Variants in LSAMP observed in about 807,000 individuals in gnomAD.
The protein encoded by LSAMP is limbic system-associated membrane protein.
In LSAMP, 7 loss-of-function variants were observed where a neutral mutation model predicts 38.6. The observed-to-expected ratio is 0.18, with a 90% CI of 0.10 to 0.34. LSAMP has a LOEUF of 0.34. Among genes scored for constraint, LSAMP ranks in the 10% least tolerant of loss-of-function variants. The probability of loss-of-function intolerance (pLI) is 1.00; values close to 1 mark genes in which losing one functional copy is unlikely to be tolerated. For missense variants in LSAMP, 313 were observed against 420.0 expected, an observed-to-expected ratio of 0.75 and a Z score of 2.23; for synonymous variants, 154 against 166.8, an observed-to-expected ratio of 0.92 and a Z score of 0.59.
At chr3:116,322,599 A>G (rs1156968326) in intron 1 of LSAMP, among the ~76,000 whole-genome samples, 3 of 152,100 alleles carry the variant, frequency 2.0e-5, no homozygotes, top group African/African-American at 7.2e-5. Context: ...GGTCTCACAT[A>G]TTTGGGCAGG....
chr3:116,243,905 G>T (rs912463741), intron 1 of LSAMP, among the ~76,000 whole-genome samples: 30 of 152,022 alleles, frequency 2.0e-4, no homozygotes, highest in Non-Finnish European at 7.4e-5. Flanking sequence ...TTATTAATCT[G>T]GGCAGTGGTA....
intron 1 of LSAMP, among the ~76,000 whole-genome samples, chr3:116,426,821 G>A (rs1029792408): frequency 2.6e-5 from 4 of 151,816 alleles, no homozygotes; most frequent in African/African-American, 9.7e-5. Flanking sequence ...ATACGTAATG[G>A]TAAAGAATTA....
intron 1 of LSAMP, among the ~76,000 whole-genome samples, chr3:116,409,058 C>T (rs539908370): frequency 6.6e-6 from 1 of 152,056 alleles, no homozygotes; most frequent in South Asian, 2.1e-4. Flanking sequence ...CTCCTAGTTG[C>T]CTGGGAGGGG....
chr3:115,885,235 G>A lies in LSAMP; in HGVS notation c.515-32618C>T, dbSNP rs554580521. Among the ~76,000 whole-genome samples the A allele has an allele frequency of 2.6e-5, 4 of 151,954 alleles. No individual in the cohort carries two copies. The South Asian group carries it at 6.2e-4, about 24-fold the overall frequency. On this transcript the variant is annotated intron_variant, in intron 3 of 6. Transcript: ENST00000490035. ...GCAGAATTTGCGTTTGTCTGTTCCT[G>A]TCCTTCAGTGTTTCATTCCTCTTTA...
intron 3 of LSAMP, among the ~76,000 whole-genome samples, chr3:115,884,586 C>T (rs1936403716): frequency 6.6e-6 from 1 of 151,958 alleles, no homozygotes; most frequent in African/African-American, 2.4e-5. Flanking sequence ...AGGTTCATCA[C>T]TGTATAGAAG....
At chr3:115,947,001 GA>G (rs61095087) in intron 3 of LSAMP, among the ~76,000 whole-genome samples, 89 of 150,048 alleles carry the variant, frequency 5.9e-4, no homozygotes, top group Non-Finnish European at 9.8e-4. Context: ...ATTAGCATTT[GA>G]AAAAAAAATG....
chr3:116,335,676 G>A (rs1175297601), intron 1 of LSAMP, among the ~76,000 whole-genome samples: 1 of 151,974 alleles, frequency 6.6e-6, no homozygotes, highest in Non-Finnish European at 1.5e-5. Context: ...GCAAACATGC[G>A]TTTGTCACAC....
rs10659032 is a variant in LSAMP, at chr3:116,296,694, CAAAAAAAA to C, written c.155+148175_155+148182del. Among the ~76,000 whole-genome samples the C allele has an allele frequency of 2.3e-4, 14 of 59,728 alleles. No homozygotes were observed. In the Admixed American group the frequency reaches 2.6e-3, roughly 11 times the overall value. 39.2% of individuals were successfully genotyped at this position (59,728 alleles called of 152,430 possible). A position where few individuals can be genotyped will look rare whatever the true frequency, so the allele number is the denominator to read the frequency against. ...TGGGCGACAGAGCGTGACTCTGTCT[CAAAAAAAA>C]AAAAAAAAAAAAAAAAAAAAAGAAA... On this transcript the variant is annotated intron_variant, in intron 1 of 6. Coordinates refer to ENST00000490035, the MANE Select transcript of LSAMP (RefSeq NM_002338.5).
At position 115,805,459 on chromosome 3, in the gene LSAMP, A is replaced by G. The variant is rs557327940; in HGVS notation, c.*4858T>C. 1.5e-4 allele frequency: 23 copies of G among 152,340 alleles called. No individual in the cohort carries two copies. In the East Asian group the frequency reaches 4.0e-3, roughly 27 times the overall value. 9.4% of individuals were successfully genotyped at this position (152,340 alleles called of 1,614,324 possible). ...GCACTGCATGAAAAATGAAGTTTAC[A>G]TAGTTTATATTATGTACATAAACTA... On this transcript the variant is annotated 3_prime_UTR_variant, in exon 7 of 7. Coordinates refer to ENST00000490035, the MANE Select transcript of LSAMP (RefSeq NM_002338.5).
chr3:115,971,087 A>G (rs145934759), intron 3 of LSAMP, among the ~76,000 whole-genome samples: 288 of 152,270 alleles, frequency 1.9e-3, no homozygotes, highest in African/African-American at 6.8e-3. Context: ...ATTCAGAGGT[A>G]TAAGGATTAA....
chr3:115,994,339 T>C (rs894228916), intron 3 of LSAMP, among the ~76,000 whole-genome samples: 2 of 152,116 alleles, frequency 1.3e-5, no homozygotes, highest in Non-Finnish European at 2.9e-5. Flanking sequence ...AGTCTCACTA[T>C]AGATATGAAG....
At chr3:116,418,983 C>A (rs908334715) in intron 1 of LSAMP, among the ~76,000 whole-genome samples, 1 of 152,194 alleles carries the variant, frequency 6.6e-6, no homozygotes, top group South Asian at 2.1e-4. Flanking sequence ...TATTTCCTCT[C>A]CCCAACATAT....
intron 3 of LSAMP, among the ~76,000 whole-genome samples, chr3:115,950,129 A>T (rs1332029363): frequency 1.3e-5 from 2 of 151,300 alleles, no homozygotes; most frequent in African/African-American, 4.9e-5. Context: ...CCAACATTAT[A>T]CTGAATGGAG....
At chr3:115,833,592 G>A (rs2918213) in intron 6 of LSAMP, among the ~76,000 whole-genome samples, 67,564 of 151,982 alleles carry the variant, frequency 0.44, 15,665 homozygotes, top group African/African-American at 0.58. Context: ...GTTTGCAAGA[G>A]TTTATAGTTT....
intron 1 of LSAMP, among the ~76,000 whole-genome samples, chr3:116,344,382 T>C (rs980228266): frequency 1.3e-5 from 2 of 152,056 alleles, no homozygotes; most frequent in Admixed American, 1.3e-4. Context: ...GAATAAATGA[T>C]TAACAGCCAA....
intron 1 of LSAMP, among the ~76,000 whole-genome samples, chr3:116,349,642 T>C (rs2048111504): frequency 6.6e-6 from 1 of 151,820 alleles, no homozygotes; most frequent in African/African-American, 2.4e-5. Flanking sequence ...TCACAAAATA[T>C]ATTCTAAGGT....
At chr3:115,988,871 A>G (rs960388989) in intron 3 of LSAMP, among the ~76,000 whole-genome samples, 1 of 152,068 alleles carries the variant, frequency 6.6e-6, no homozygotes, top group Non-Finnish European at 1.5e-5. Flanking sequence ...TCTCTTTCCC[A>G]TATTGTTATG....
intron 1 of LSAMP, among the ~76,000 whole-genome samples, chr3:116,272,405 C>T (rs2046986364): frequency 6.6e-6 from 1 of 152,122 alleles, no homozygotes; most frequent in African/African-American, 2.4e-5. Flanking sequence ...GAAAGGCCAT[C>T]TTATTGCACT....
intron 6 of LSAMP, among the ~76,000 whole-genome samples, chr3:115,833,391 GTTA>G (rs1934682639): frequency 7.3e-6 from 1 of 137,728 alleles, no homozygotes; most frequent in South Asian, 2.5e-4. Context: ...ATTCAACAGA[GTTA>G]TTCTAAGCTT....
Sources: allele counts gnomAD v4.1 joint callset (sites outside exome capture counted in the v4.1 genomes callset), GRCh38; gene constraint gnomAD v4.1.1; transcripts MANE v1.5; gene names NCBI Gene and HGNC (gene_info 2026-07-23, HGNC 2026-07-21).